The following CHODL variants were observed in gnomAD, a reference collection of about 807,000 sequenced individuals.
CHODL encodes transmembrane protein MT75.
In CHODL, 29 loss-of-function variants were observed where a neutral mutation model predicts 34.5. The observed-to-expected ratio is 0.84, with a 90% CI of 0.63 to 1.15. The LOEUF is 1.15. CHODL is among the 50% of genes most tolerant of loss of function. The pLI is 0.00. For missense variants in CHODL, 332 were observed against 332.5 expected (o/e 1.00, Z 0.01); for synonymous variants, 125 against 116.1 (o/e 1.08, Z -0.49).
chr21:18,142,649 T>C (rs957874606), intron 2 of CHODL, among the ~76,000 whole-genome samples: 7 of 152,146 alleles, frequency 4.6e-5, no homozygotes, highest in African/African-American at 1.4e-4. Flanking sequence ...TTACCTTTCT[T>C]CTCAACTTTT....
intron 1 of CHODL, among the ~76,000 whole-genome samples, chr21:17,959,604 CA>C (rs2063517430): frequency 6.6e-6 from 1 of 152,106 alleles, no homozygotes; most frequent in Admixed American, 6.6e-5. Flanking sequence ...ACATTTATTA[CA>C]AGTAAGAAAA....
At chr21:17,980,378 A>G (rs542675430) in intron 1 of CHODL, among the ~76,000 whole-genome samples, 12 of 152,304 alleles carry the variant, frequency 7.9e-5, no homozygotes, top group African/African-American at 2.9e-4. Flanking sequence ...TCTCCAGTAA[A>G]TGAGAATAAT....
At chr21:18,016,280 G>T (rs1280393628) in intron 1 of CHODL, among the ~76,000 whole-genome samples, 1 of 152,196 alleles carries the variant, frequency 6.6e-6, no homozygotes, top group Admixed American at 6.5e-5. Context: ...TTCAGCTATG[G>T]CCATGGCTAA....
At chr21:18,046,437 G>C (rs563742872) in intron 2 of CHODL, among the ~76,000 whole-genome samples, 2 of 151,980 alleles carry the variant, frequency 1.3e-5, no homozygotes, top group South Asian at 4.2e-4. Context: ...TACATTACGG[G>C]GACCAGATTG....
At position 18,179,233 on chromosome 21, in the gene CHODL, T is replaced by C. The variant is rs143377560; in HGVS notation, c.-44-77276T>C. On this transcript the variant is annotated intron_variant, in intron 2 of 6. Transcript: ENST00000400127. ...GGTCAGGTTTCTCCTTTGGTCTCTA[T>C]TTGTTCCACTTGCCCTTTGACCCAC... Among the ~76,000 whole-genome samples the C allele has an allele frequency of 1.8e-3, 269 of 152,284 alleles. 2 individuals are homozygous for C. Among genetic ancestry groups the C allele is most frequent in the African/African-American group, 6.1e-3 (252 of 41,570 alleles).
At chr21:18,256,899 T>C (rs947156389) in intron 2 of CHODL, 71 bp from the exon 3 acceptor site, 8 of 1,585,010 alleles carry the variant, frequency 5.0e-6, no homozygotes, top group South Asian at 1.2e-5. Flanking sequence ...CTGTAGAGGA[T>C]GTCAGAGTAG....
At chr21:18,127,765 A>T (rs2072593649) in intron 2 of CHODL, among the ~76,000 whole-genome samples, 1 of 128,490 alleles carries the variant, frequency 7.8e-6, no homozygotes, top group African/African-American at 3.0e-5. Flanking sequence ...GGCACAGCTT[A>T]TCTTTATCTT....
chr21:18,070,757 C>G (rs1739034532), intron 2 of CHODL, among the ~76,000 whole-genome samples: 2 of 152,100 alleles, frequency 1.3e-5, no homozygotes, highest in Admixed American at 6.6e-5. Context: ...TCCACATGTC[C>G]TTCCTGGATG....
upstream of CHODL, among the ~76,000 whole-genome samples, chr21:18,241,685 T>C (rs2074083804): frequency 6.6e-6 from 1 of 152,180 alleles, no homozygotes; most frequent in Admixed American, 6.5e-5. Flanking sequence ...TCACTGGGAA[T>C]TGCAGACATT....
chr21:17,957,883 CT>C (rs969122222), intron 1 of CHODL, among the ~76,000 whole-genome samples: 18 of 149,448 alleles, frequency 1.2e-4, no homozygotes, highest in African/African-American at 1.5e-4. Context: ...TTTAGGCAGC[CT>C]TTTTTTTTTC....
chr21:18,257,013 G>A lies in CHODL; in HGVS notation c.433G>A (p.Val145Ile). 3 of 1,613,966 alleles carry A rather than the reference G, an allele frequency of 1.9e-6. No homozygotes were observed. Among genetic ancestry groups the A allele is most frequent in the Non-Finnish European group, 2.5e-6 (3 of 1,179,946 alleles). ...DEPSCGSEKC[V>I]VMYHQPTANP... ...ACCTTCCTGCGGAAGTGAAAAGTGT[G>A]TTGTGATGTATCACCAACCAACTGC... is the stretch of plus-strand genomic sequence containing the variant. Residue 145 changes from valine (V) to isoleucine (I), a missense_variant, in exon 3 of 6, where the codon GTT becomes ATT. Transcript: ENST00000299295.
At chr21:17,999,436 C>A (rs971940130) in intron 1 of CHODL, among the ~76,000 whole-genome samples, 1 of 152,182 alleles carries the variant, frequency 6.6e-6, no homozygotes, top group African/African-American at 2.4e-5. Flanking sequence ...TTCAGCAACA[C>A]CCCACTTTAC....
chr21:18,058,125 C>T (rs912952435), intron 2 of CHODL, among the ~76,000 whole-genome samples: 1 of 152,002 alleles, frequency 6.6e-6, no homozygotes, highest in Non-Finnish European at 1.5e-5. Flanking sequence ...ATTTTCCTCC[C>T]CTATCCACTA....
At chr21:17,946,443 G>A (rs187830820) in intron 1 of CHODL, among the ~76,000 whole-genome samples, 11 of 152,248 alleles carry the variant, frequency 7.2e-5, no homozygotes, top group Admixed American at 4.6e-4. Flanking sequence ...AAAGCTGAGA[G>A]GGTTCATTGC....
chr21:18,037,385 A>G (rs2146448459), intron 2 of CHODL, among the ~76,000 whole-genome samples: 1 of 152,052 alleles, frequency 6.6e-6, no homozygotes, highest in Middle Eastern at 3.4e-3. Context: ...TAAAATGAAG[A>G]TGGGATAGAT....
At chr21:18,174,149 A>ATG (rs2073272974) in intron 2 of CHODL, among the ~76,000 whole-genome samples, 1 of 122,398 alleles carries the variant, frequency 8.2e-6, no homozygotes, top group Non-Finnish European at 1.7e-5. Flanking sequence ...ATATATATAT[A>ATG]TATATATATA....
chr21:18,147,837 A>T (rs1464786746), intron 2 of CHODL, among the ~76,000 whole-genome samples: 1 of 152,228 alleles, frequency 6.6e-6, no homozygotes, highest in Non-Finnish European at 1.5e-5. Flanking sequence ...TAGTAAGTTG[A>T]TGAACACATC....
At chr21:17,949,498 G>A (rs1203692712) in intron 1 of CHODL, among the ~76,000 whole-genome samples, 1 of 151,958 alleles carries the variant, frequency 6.6e-6, no homozygotes, top group Non-Finnish European at 1.5e-5. Flanking sequence ...TGTGGGAGGG[G>A]GTAAAAAAGT....
At chr21:17,990,989 A>T (rs552120878) in intron 1 of CHODL, among the ~76,000 whole-genome samples, 2 of 152,184 alleles carry the variant, frequency 1.3e-5, no homozygotes, top group Admixed American at 1.3e-4. Flanking sequence ...GGCTCAAGTA[A>T]CCATTGTCTA....
Sources: gnomAD v4.1 joint callset for allele counts (sites outside exome capture counted in the v4.1 genomes callset) on GRCh38, gnomAD v4.1.1 for gene constraint, MANE v1.5 for transcripts, NCBI Gene and HGNC (gene_info 2026-07-23, HGNC 2026-07-21) for gene names.